SYBU: variants seen among roughly 807,000 people sequenced by gnomAD.
The protein encoded by SYBU is GOLSYN A protein.
SYBU carries 21 observed loss-of-function variants against 35.9 expected under a neutral mutation model. That is an observed-to-expected ratio of 0.58 (90% confidence interval 0.41 to 0.84). The LOEUF is 0.84. Among genes scored for constraint, SYBU ranks in the 40% least tolerant of loss-of-function variants. The probability of loss-of-function intolerance (pLI) is 0.00; values close to 1 mark genes in which losing one functional copy is unlikely to be tolerated. For synonymous variants in SYBU, 319 were observed against 324.3 expected, an observed-to-expected ratio of 0.98 and a Z score of 0.18; for missense variants, 768 against 848.2, an observed-to-expected ratio of 0.91 and a Z score of 1.17.
In SYBU at chr8:109,579,972, A is replaced by C. The variant is rs201181590; in HGVS notation, c.561T>G (p.Ala187=). 6.2e-7 allele frequency: 1 copy of C among 1,613,274 alleles called. No homozygotes were observed. Among genetic ancestry groups the C allele is most frequent in the South Asian group, 1.1e-5 (1 of 91,034 alleles). The part of the protein sequence containing the change: ...NRGPHGRSNG[A]SSHKPGSSPS... The stretch of plus-strand genomic sequence containing the variant: ...GGCTGCTGCCAGGCTTGTGTGACGA[A>C]GCTCCATTACTCCGCCCATGAGGAC... The change falls in exon 5 of 7, where the codon GCT becomes GCG. Residue 187 remains alanine, a synonymous_variant. Transcript: ENST00000276646.
upstream of SYBU, chr8:109,645,811 C>G (rs1412117177): frequency 1.7e-5 from 3 of 171,782 alleles, no homozygotes; most frequent in African/African-American, 7.2e-5. Context: ...GTGGCCTACG[C>G]CTACGGTTCT....
At chr8:109,681,812 A>G (rs1338702028), upstream of SYBU, among the ~76,000 whole-genome samples, 1 of 152,114 alleles carries the variant, frequency 6.6e-6, no homozygotes, top group Non-Finnish European at 1.5e-5. Context: ...GTTCCCATAA[A>G]CTGCACGTGT....
intron 1 of SYBU, among the ~76,000 whole-genome samples, chr8:109,676,312 A>G (rs1817188355): frequency 6.6e-6 from 1 of 152,162 alleles, no homozygotes; most frequent in Non-Finnish European, 1.5e-5. Context: ...GAAAGAAATA[A>G]AGGGTATTCA....
At chr8:109,659,200 G>A (rs146745624) in intron 1 of SYBU, among the ~76,000 whole-genome samples, 2 of 152,228 alleles carry the variant, frequency 1.3e-5, no homozygotes, top group African/African-American at 4.8e-5. Flanking sequence ...CCAGTAATGT[G>A]GCTCAGCTTA....
upstream of SYBU, among the ~76,000 whole-genome samples, chr8:109,683,048 C>G (rs1350817033): frequency 1.3e-5 from 2 of 152,176 alleles, no homozygotes; most frequent in Non-Finnish European, 2.9e-5. Flanking sequence ...ACCTGGATGT[C>G]CAGGGAGAAG....
chr8:109,654,229 A>G (rs1816267713), intron 1 of SYBU, among the ~76,000 whole-genome samples: 2 of 152,180 alleles, frequency 1.3e-5, no homozygotes, highest in African/African-American at 4.8e-5. Flanking sequence ...TGTCTAGAGT[A>G]TATGTCTCAC....
At chr8:109,599,477 A>G (rs1205685524) in intron 3 of SYBU, among the ~76,000 whole-genome samples, 4 of 152,212 alleles carry the variant, frequency 2.6e-5, no homozygotes, top group African/African-American at 7.2e-5. Flanking sequence ...AGTCAGCCTC[A>G]TAATCCATTT....
rs760909578 is a variant in SYBU at position 109,575,474 on chromosome 8, A to G, written c.1424T>C (p.Met475Thr). 4 of 1,613,940 alleles carry G rather than the reference A, an allele frequency of 2.5e-6. No individual in the cohort carries two copies. Among genetic ancestry groups the G allele is most frequent in the Admixed American group, 1.7e-5 (1 of 59,998 alleles). ...CACCACACTGCCCTCCTCCTGACCC[A>G]TGACTATGGGCAGCAGCTCCAGGAC... ...ANVLELLPIV[M>T]GQEEGSVVVE... Residue 475 changes from methionine (M) to threonine (T), a missense_variant, in exon 7 of 7, where the codon ATG becomes ACG. Met to Thr is a moderately conservative substitution (Grantham distance 81, BLOSUM62 -1). Coordinates refer to ENST00000276646, the MANE Select transcript of SYBU (RefSeq NM_001099754.2).
intron 3 of SYBU, chr8:109,603,236 AT>A: frequency 5.4e-6 from 1 of 185,134 alleles, no homozygotes; most frequent in East Asian, 1.9e-4. Context: ...TCAATTGAAA[AT>A]TATTCTAACT....
At chr8:109,603,840 C>A (rs1825797981) in intron 3 of SYBU, among the ~76,000 whole-genome samples, 1 of 152,164 alleles carries the variant, frequency 6.6e-6, no homozygotes, top group African/African-American at 2.4e-5. Flanking sequence ...GTGGTTACCC[C>A]TGGGGTAGTC....
intron 1 of SYBU, among the ~76,000 whole-genome samples, chr8:109,664,495 T>C (rs949767749): frequency 2.6e-5 from 4 of 152,178 alleles, no homozygotes; most frequent in Non-Finnish European, 5.9e-5. Flanking sequence ...TACATTTAAC[T>C]CAGTATTTAT....
At position 109,689,846 on chromosome 8, in the gene SYBU, A is replaced by C. The variant is rs202219615; in HGVS notation, c.-58+1487T>G. 8.8e-4 allele frequency among the ~76,000 whole-genome samples: 134 copies of C among 151,626 alleles called. 3 individuals are homozygous for C. The East Asian group carries it at 0.024, about 27-fold the overall frequency. On this transcript the variant is annotated intron_variant, in intron 1 of 7. Transcript: ENST00000422135. ...TACTACAATATGAAAAAAAAAAAAA[A>C]AAAAAAAAACCATGACTATTAGAGA...
chr8:109,615,953 C>T (rs1350369371), intron 3 of SYBU, among the ~76,000 whole-genome samples: 2 of 150,392 alleles, frequency 1.3e-5, no homozygotes, highest in Admixed American at 1.3e-4. Flanking sequence ...TCCTTCCTTC[C>T]ATCCTTTTAT....
chr8:109,661,912 C>T (rs917941826), intron 1 of SYBU, among the ~76,000 whole-genome samples: 2 of 152,182 alleles, frequency 1.3e-5, no homozygotes, highest in African/African-American at 4.8e-5. Context: ...TCCTTCAGTG[C>T]TTTTAACTTC....
intron 2 of SYBU, among the ~76,000 whole-genome samples, chr8:109,623,025 G>A (rs1471384015): frequency 7.3e-6 from 1 of 136,704 alleles, no homozygotes; most frequent in Non-Finnish European, 1.5e-5. Context: ...AGGAGCGTGC[G>A]CGCGCGCACA....
intron 1 of SYBU, among the ~76,000 whole-genome samples, chr8:109,656,947 A>G (rs919109048): frequency 2.6e-5 from 4 of 152,166 alleles, no homozygotes; most frequent in African/African-American, 9.6e-5. Context: ...TAGAGAAATT[A>G]TATTTCTAGC....
At position 109,574,109 on chromosome 8, in the gene SYBU, T is replaced by G. The variant is rs74876350; in HGVS notation, c.*797A>C. On this transcript the variant is annotated 3_prime_UTR_variant, in exon 7 of 7. Transcript: ENST00000276646. ...TAATTCAATTTTTACAGACCCCCTA[T>G]TGATAAAGATGTAAGATCTGCTATT... 9.2e-5 allele frequency: 14 copies of G among 152,194 alleles called. No individual in the cohort carries two copies. In the East Asian group the frequency reaches 2.5e-3, roughly 27 times the overall value. The allele number at this position is 152,194 out of a possible 1,614,324, so 9.4% of individuals were successfully genotyped here. A position where few individuals can be genotyped will look rare whatever the true frequency, so the allele number is the denominator to read the frequency against.
chr8:109,626,093 T>A (rs1812949967), intron 2 of SYBU, among the ~76,000 whole-genome samples: 1 of 152,238 alleles, frequency 6.6e-6, no homozygotes, highest in Non-Finnish European at 1.5e-5. Context: ...TTCTATGAAT[T>A]GTTCAAGTCC....
chr8:109,652,621 C>T (rs998831258), intron 1 of SYBU, among the ~76,000 whole-genome samples: 1 of 152,156 alleles, frequency 6.6e-6, no homozygotes, highest in African/African-American at 2.4e-5. Flanking sequence ...GTTATACTGC[C>T]ACCTATGGAT....
Sources: gnomAD v4.1 joint callset for allele counts (sites outside exome capture counted in the v4.1 genomes callset) on GRCh38, gnomAD v4.1.1 for gene constraint, MANE v1.5 for transcripts, NCBI Gene and HGNC (gene_info 2026-07-23, HGNC 2026-07-21) for gene names.